KBTBD12: variants seen among roughly 807,000 people sequenced by gnomAD.
The protein encoded by KBTBD12 is kelch repeat and BTB domain containing 12.
KBTBD12 carries 53 observed loss-of-function variants against 58.7 expected under a neutral mutation model. The observed-to-expected ratio is 0.90, with a 90% confidence interval of 0.72 to 1.14. The LOEUF (loss-of-function observed/expected upper bound fraction) is 1.14. KBTBD12 is among the 50% of genes most tolerant of loss of function. The pLI is 0.00. For synonymous variants in KBTBD12, 236 were observed against 259.8 expected (o/e 0.91, Z 0.88); for missense variants, 704 against 751.3 (o/e 0.94, Z 0.74).
chr3:127,967,719 T>C (rs1940603801), intron 5 of KBTBD12, among the ~76,000 whole-genome samples: 1 of 152,144 alleles, frequency 6.6e-6, no homozygotes, highest in Non-Finnish European at 1.5e-5. Flanking sequence ...ATCAAGCAAA[T>C]GTGTAACTAA....
At chr3:127,972,227 G>C (rs1256412881) in intron 5 of KBTBD12, among the ~76,000 whole-genome samples, 1 of 152,154 alleles carries the variant, frequency 6.6e-6, no homozygotes, top group East Asian at 1.9e-4. Context: ...ATCTAAAGAA[G>C]TCAAACAGAG....
chr3:127,983,905 C>T (rs1033034261), intron 5 of KBTBD12, among the ~76,000 whole-genome samples, 192 bp from the exon 6 acceptor site: 2 of 152,190 alleles, frequency 1.3e-5, no homozygotes, highest in African/African-American at 4.8e-5. Flanking sequence ...CTTGAACTCT[C>T]CAGCCACCAG....
At chr3:127,939,806 A>G (rs547783240) in intron 4 of KBTBD12, among the ~76,000 whole-genome samples, 19 of 152,334 alleles carry the variant, frequency 1.2e-4, no homozygotes, top group African/African-American at 4.6e-4. Context: ...ATTAGAAGAC[A>G]GAAATTGTCA....
chr3:127,919,185 G>T (rs969192490), intron 1 of KBTBD12, among the ~76,000 whole-genome samples: 10 of 152,014 alleles, frequency 6.6e-5, no homozygotes, highest in African/African-American at 2.4e-4. Context: ...ATGATTATAA[G>T]CTACTCACTA....
Position 127,923,615 on chromosome 3 carries a change from A to G in KBTBD12, c.554A>G (p.Asp185Gly), listed in dbSNP as rs1177244748. ...HQFLTLIKSD[D>G]LNISREESIL... is the part of the protein sequence containing the mutation. ...TTTTTGACACTTATTAAATCAGATGATCTTAACATATCCAGAGAAGAGAGC... is the reference window on the plus strand; with the variant it reads ...TTTTTGACACTTATTAAATCAGATGGTCTTAACATATCCAGAGAAGAGAGC... Residue 185 changes from aspartate to glycine, a missense_variant, in exon 2 of 6, where the codon GAT (aspartate) becomes GGT (glycine). Asp to Gly is a moderately conservative substitution (Grantham distance 94, BLOSUM62 -1). Transcript: ENST00000405109. The G allele has an allele frequency of 6.2e-7, 1 of 1,613,566 alleles. No homozygotes were observed. Among genetic ancestry groups the G allele is most frequent in the African/African-American group, 1.3e-5 (1 of 74,922 alleles).
chr3:127,963,463 T>C, intron 5 of KBTBD12, 77 bp downstream of exon 5: 1 of 1,311,760 alleles, frequency 7.6e-7, no homozygotes, highest in Non-Finnish European at 1.0e-6. Flanking sequence ...CAATCACCAC[T>C]AATATTCCTG....
At chr3:127,940,554 C>T (rs1394355063) in intron 4 of KBTBD12, among the ~76,000 whole-genome samples, 1 of 151,882 alleles carries the variant, frequency 6.6e-6, no homozygotes, top group Admixed American at 6.6e-5. Context: ...TATCAAAGTT[C>T]GAAGAGTACT....
chr3:127,916,102 C>T (rs575858843), intron 1 of KBTBD12, among the ~76,000 whole-genome samples: 19 of 152,140 alleles, frequency 1.2e-4, no homozygotes, highest in Non-Finnish European at 2.8e-4. Flanking sequence ...AGCTATAATG[C>T]GGATTAAAGC....
chr3:127,983,086 A>G (rs1940900826), intron 5 of KBTBD12, among the ~76,000 whole-genome samples: 1 of 152,242 alleles, frequency 6.6e-6, no homozygotes, highest in Non-Finnish European at 1.5e-5. Flanking sequence ...TCATTGCTAA[A>G]TCATTCATAT....
Position 127,963,289 on chromosome 3 carries a change from T to A in KBTBD12, c.1593T>A (p.Pro531=). 2 of 1,611,856 alleles carry A rather than the reference T, an allele frequency of 1.2e-6. No homozygotes were observed. Among genetic ancestry groups the A allele is most frequent in the Non-Finnish European group, 1.7e-6 (2 of 1,179,096 alleles). Residue 531 remains proline, a synonymous_variant, in exon 5 of 6, where the codon CCT becomes CCA. Coordinates refer to ENST00000405109, the MANE Select transcript of KBTBD12 (RefSeq NM_207335.4). Reference sequence around the variant, plus strand: ...ATGGGGACTTTTGGCGAGAGGGCCCTCCCATGCCAAGTCCCCTCCTCTCAC... The same window carrying A: ...ATGGGGACTTTTGGCGAGAGGGCCCACCCATGCCAAGTCCCCTCCTCTCAC... The part of the protein sequence containing the change: ...NPDGDFWREG[P]PMPSPLLSLR...
chr3:127,932,199 A>T (rs1939720036), intron 4 of KBTBD12, among the ~76,000 whole-genome samples: 1 of 152,138 alleles, frequency 6.6e-6, no homozygotes, highest in Non-Finnish European at 1.5e-5. Flanking sequence ...AGTGAGCTTT[A>T]CCACCCTGTA....
At chr3:127,931,991 C>T (rs1019705643) in intron 4 of KBTBD12, among the ~76,000 whole-genome samples, 1 of 152,002 alleles carries the variant, frequency 6.6e-6, no homozygotes, top group Admixed American at 6.6e-5. Flanking sequence ...TAAGGAAATA[C>T]TAGTGAACAG....
intron 3 of KBTBD12, 56 bp from the exon 4 acceptor site, chr3:127,930,077 A>G (rs1939666987): frequency 6.9e-7 from 1 of 1,459,602 alleles, no homozygotes; most frequent in East Asian, 2.5e-5. Flanking sequence ...GCATTCATGT[A>G]CTCACAAAGA....
At chr3:127,965,793 G>C (rs1449942635) in intron 5 of KBTBD12, among the ~76,000 whole-genome samples, 2 of 152,062 alleles carry the variant, frequency 1.3e-5, no homozygotes, top group Non-Finnish European at 2.9e-5. Flanking sequence ...AATAAACACA[G>C]ACAAAGAGAA....
chr3:127,928,182 T>A, intron 3 of KBTBD12, 148 bp downstream of exon 3: 1 of 660,758 alleles, frequency 1.5e-6, no homozygotes. Context: ...ACTCAAGGTT[T>A]TAAAGTGTTA....
chr3:127,932,932 G>A (rs959499671), intron 4 of KBTBD12, among the ~76,000 whole-genome samples: 13 of 152,140 alleles, frequency 8.5e-5, no homozygotes, highest in Admixed American at 2.0e-4. Flanking sequence ...GCTAGATATC[G>A]AGACTCATCC....
At chr3:127,922,120 A>G (rs1270062999) in intron 1 of KBTBD12, among the ~76,000 whole-genome samples, 1 of 152,104 alleles carries the variant, frequency 6.6e-6, no homozygotes, top group Non-Finnish European at 1.5e-5. Flanking sequence ...GAAACATCCC[A>G]TTTCCATTTA....
At position 127,974,835 on chromosome 3, in the gene KBTBD12, C is replaced by T. The variant is rs537052928; in HGVS notation, c.1691-9262C>T. Among the ~76,000 whole-genome samples, 30 of 152,130 alleles carry T rather than the reference C, an allele frequency of 2.0e-4. No homozygotes were observed. In the South Asian group the frequency reaches 4.6e-3, roughly 23 times the overall value. On this transcript the variant is annotated intron_variant, in intron 5 of 5. Transcript: ENST00000405109. The stretch of plus-strand genomic sequence containing the variant: ...CTACTAAAAATACAAAAAAATTAGC[C>T]GGGCATGGTGGCGGGTGCCTGTAGT...
chr3:127,947,162 G>C (rs1196315240), intron 4 of KBTBD12, among the ~76,000 whole-genome samples: 3 of 152,198 alleles, frequency 2.0e-5, no homozygotes, highest in African/African-American at 7.2e-5. Context: ...GCCCATGTCT[G>C]GTGATTTTTT....
Sources: allele counts gnomAD v4.1 joint callset (sites outside exome capture counted in the v4.1 genomes callset), GRCh38; gene constraint gnomAD v4.1.1; transcripts MANE v1.5; gene names NCBI Gene and HGNC (gene_info 2026-07-23, HGNC 2026-07-21).